EML5: variants seen among roughly 807,000 people sequenced by gnomAD.
EML5 encodes the protein EMAP like 5.
Under a neutral mutation model 250.0 loss-of-function variants are expected in EML5, and 120 were observed. The observed-to-expected ratio is 0.48, with a 90% CI of 0.41 to 0.56. EML5 has a LOEUF of 0.56. EML5 is among the 20% of genes least tolerant of loss of function. The pLI, the probability that EML5 is intolerant of heterozygous loss-of-function variation, is 0.00. For synonymous variants in EML5, 771 were observed against 806.5 expected (o/e 0.96, Z 0.75); for missense variants, 2,006 against 2,437.6 (o/e 0.82, Z 3.73).
chr14:88,767,233 T>A (rs1390924036), intron 1 of EML5, among the ~76,000 whole-genome samples: 1 of 152,204 alleles, frequency 6.6e-6, no homozygotes, highest in Non-Finnish European at 1.5e-5. Flanking sequence ...GTCTTTGCAG[T>A]GCTACCACAT....
In EML5 at chr14:88,792,510, G is replaced by T; in HGVS notation, c.-7C>A. 1 of 1,350,722 alleles carries T rather than the reference G, an allele frequency of 7.4e-7. No individual in the cohort carries two copies. Among genetic ancestry groups the T allele is most frequent in the East Asian group, 3.1e-5 (1 of 32,378 alleles). The allele number at this position is 1,350,722 out of a possible 1,614,324, so 83.7% of individuals were successfully genotyped here. A position where few individuals can be genotyped will look rare whatever the true frequency, so the allele number is the denominator to read the frequency against. ...GGGCGCTCCGGGCCGCCATGTCGGGGCGCCCACCCGCCGCTCCCGCTCGGG... is the reference window on the plus strand; with the variant it reads ...GGGCGCTCCGGGCCGCCATGTCGGGTCGCCCACCCGCCGCTCCCGCTCGGG... On this transcript the variant is annotated 5_prime_UTR_variant, in exon 1 of 44. Transcript: ENST00000554922. This position sits in a 1 kb window ranked among gnomAD's most constrained non-coding sequence, Gnocchi z 6.9.
At chr14:88,728,438 A>T (rs1280113530) in intron 7 of EML5, among the ~76,000 whole-genome samples, 2 of 152,192 alleles carry the variant, frequency 1.3e-5, no homozygotes, top group African/African-American at 4.8e-5. Context: ...CAATAACACA[A>T]ACAGTTGTTT....
chr14:88,708,566 G>A (rs2093355180), intron 10 of EML5, among the ~76,000 whole-genome samples: 1 of 152,082 alleles, frequency 6.6e-6, no homozygotes, highest in African/African-American at 2.4e-5. Flanking sequence ...ATGCTAGACT[G>A]TAATGTAGGA....
chr14:88,692,308 T>C (rs2401748), intron 17 of EML5, among the ~76,000 whole-genome samples: 97,412 of 151,746 alleles, frequency 0.64, 33,307 homozygotes, highest in East Asian at 0.94. Flanking sequence ...ACCCAGGAGG[T>C]GGAGGTTGTA....
chr14:88,696,720 A>G, intron 15 of EML5, 127 bp downstream of exon 15: 1 of 557,004 alleles, frequency 1.8e-6, no homozygotes, highest in Non-Finnish European at 3.1e-6. Context: ...ATAACAGTAT[A>G]CACATTTGAT....
At position 88,665,414 on chromosome 14, in the gene EML5, G is replaced by A; in HGVS notation, c.3200C>T (p.Ala1067Val). Reference sequence around the variant, plus strand: ...AAGATCCTCTAGAGTATCCGCATTTGCCATTAAGAAGCTTCCATCGTTGAG... The same window carrying A: ...AAGATCCTCTAGAGTATCCGCATTTACCATTAAGAAGCTTCCATCGTTGAG... ...VGLNDGSFLM[A>V]NADTLEDLVS... The change falls in exon 22 of 44, where the codon GCA becomes GTA. Residue 1067 changes from alanine to valine, a missense_variant. Coordinates refer to ENST00000554922, the MANE Select transcript of EML5 (RefSeq NM_183387.3). 1.2e-6 allele frequency: 2 copies of A among 1,613,964 alleles called. No individual in the cohort carries two copies. The highest frequency in any genetic ancestry group is 8.5e-7 in the Non-Finnish European group (1 of 1,179,872).
chr14:88,642,929 T>G lies in EML5; in HGVS notation c.4201A>C (p.Thr1401Pro). Reference protein sequence around the residue: ...LNDGDDIIYHTASVGILHNVA... With the variant: ...LNDGDDIIYHPASVGILHNVA... ...TTGTGCAGAATTCCAACAGATGCAG[T>G]GTGATAAATTATATCATCACCATCA... Residue 1401 changes from threonine to proline, a missense_variant, in exon 31 of 44, where the codon ACT (threonine) becomes CCT (proline). By Grantham distance (38) the Thr-to-Pro change is conservative (BLOSUM62 -1). Around this residue, in one of 7 missense-constraint regions of EML5, gnomAD observed 1,375 missense variants for 1,590.3 expected, o/e 0.86. Transcript: ENST00000554922. 6.2e-7 allele frequency: 1 copy of G among 1,606,828 alleles called. No individual in the cohort carries two copies. Among genetic ancestry groups the G allele is most frequent in the Non-Finnish European group, 8.5e-7 (1 of 1,177,688 alleles).
chr14:88,732,757 T>G (rs568182574), intron 7 of EML5, among the ~76,000 whole-genome samples: 16 of 152,332 alleles, frequency 1.1e-4, no homozygotes, highest in Non-Finnish European at 1.5e-4. Flanking sequence ...TTAAGTTTTG[T>G]TGTGATTTTC....
chr14:88,618,359 G>A, intron 40 of EML5, 28 bp from the exon 41 acceptor site: 1 of 1,591,108 alleles, frequency 6.3e-7, no homozygotes, highest in Non-Finnish European at 8.6e-7. Flanking sequence ...AATGGGACAA[G>A]AATTCCATTA....
chr14:88,743,702 CT>C (rs1269600869), intron 4 of EML5, among the ~76,000 whole-genome samples: 1 of 152,106 alleles, frequency 6.6e-6, no homozygotes, highest in Non-Finnish European at 1.5e-5. Context: ...CTCTTCATTT[CT>C]TTCCTATTCT....
intron 36 of EML5, 104 bp downstream of exon 36, chr14:88,624,866 G>T: frequency 7.7e-7 from 1 of 1,293,750 alleles, no homozygotes; most frequent in Non-Finnish European, 1.1e-6. Flanking sequence ...GAGGAAGGTC[G>T]GAGAGGACAC....
chr14:88,667,164 A>C (rs1214390264), intron 21 of EML5, among the ~76,000 whole-genome samples: 2 of 152,174 alleles, frequency 1.3e-5, no homozygotes, highest in Non-Finnish European at 2.9e-5. Context: ...TGCCTATGAG[A>C]AGTTCAAGTG....
intron 30 of EML5, 41 bp from the exon 31 acceptor site, chr14:88,643,063 T>C: frequency 6.6e-7 from 1 of 1,526,216 alleles, no homozygotes. Flanking sequence ...CTTCCTCATG[T>C]ATAAATGTTC....
chr14:88,734,157 G>T (rs1386478770), intron 7 of EML5, among the ~76,000 whole-genome samples: 2 of 152,106 alleles, frequency 1.3e-5, no homozygotes, highest in African/African-American at 4.8e-5. Flanking sequence ...AAGAAATGTG[G>T]AAAGTTTACA....
intron 25 of EML5, among the ~76,000 whole-genome samples, chr14:88,659,807 G>C (rs899433234): frequency 3.3e-5 from 5 of 152,126 alleles, no homozygotes; most frequent in African/African-American, 1.2e-4. Flanking sequence ...TTTTCAATGA[G>C]AATTTTTAAA....
At chr14:88,641,446 C>A (rs1215838385) in intron 31 of EML5, among the ~76,000 whole-genome samples, 1 of 152,146 alleles carries the variant, frequency 6.6e-6, no homozygotes, top group Non-Finnish European at 1.5e-5. Flanking sequence ...CAAAATCCAG[C>A]AGGACATCAA....
rs950549975 is a variant in EML5 at position 88,687,915 on chromosome 14, TA to T, written c.2742+355del. ...ACATAATCTCTACCAAAAAAATTTT[TA>T]AAAATTAGATGGGTGTGGGTGGCAC... On this transcript the variant is annotated intron_variant, in intron 18 of 43. Coordinates refer to ENST00000554922, the MANE Select transcript of EML5 (RefSeq NM_183387.3). Among the ~76,000 whole-genome samples the T allele has an allele frequency of 2.6e-5, 4 of 152,144 alleles. No individual in the cohort carries two copies. In the South Asian group the frequency reaches 8.3e-4, roughly 32 times the overall value.
At chr14:88,703,982 G>A (rs1313692827) in intron 13 of EML5, among the ~76,000 whole-genome samples, 1 of 152,102 alleles carries the variant, frequency 6.6e-6, no homozygotes, top group African/African-American at 2.4e-5. Flanking sequence ...GCCACATAAT[G>A]TTGTAAGTCA....
chr14:88,792,168 C>G lies in EML5; in HGVS notation c.197+139G>C. 2.0e-6 allele frequency: 2 copies of G among 1,019,152 alleles called. No individual in the cohort carries two copies. The highest frequency in any genetic ancestry group is 2.8e-6 in the Non-Finnish European group (2 of 719,482). The allele number at this position is 1,019,152 out of a possible 1,614,324, so 63.1% of individuals were successfully genotyped here. A position where few individuals can be genotyped will look rare whatever the true frequency, so the allele number is the denominator to read the frequency against. ...TTTGTAGGGTGTTAACTGGTGGACT[C>G]GGGACCAGAGAGACAGCTGCGGATT... On this transcript the variant is annotated intron_variant, in intron 1 of 43. Transcript: ENST00000554922. The surrounding 1 kb of genome is among the most constrained non-coding windows in gnomAD (Gnocchi z 6.9).
Sources: gnomAD v4.1 joint callset for allele counts (sites outside exome capture counted in the v4.1 genomes callset) on GRCh38, gnomAD v4.1.1 for gene constraint, gnomAD v4.1.1 regional missense constraint, Gnocchi (gnomAD v3.1) non-coding constraint, MANE v1.5 for transcripts, NCBI Gene and HGNC (gene_info 2026-07-23, HGNC 2026-07-21) for gene names.